Variants in DNAI3 observed in about 807,000 individuals in gnomAD.
The protein encoded by DNAI3 is WD repeat domain 63.
In DNAI3, 83 loss-of-function variants were observed where a neutral mutation model predicts 115.5. The ratio of observed to expected loss-of-function variants is 0.72; its 90% CI spans 0.60 to 0.86. The LOEUF (loss-of-function observed/expected upper bound fraction) is 0.86, where lower values mean the gene tolerates loss of function less well. DNAI3 is among the 40% of genes least tolerant of loss of function. The pLI, the probability that DNAI3 is intolerant of heterozygous loss-of-function variation, is 0.00. For missense variants in DNAI3, 1,004 were observed against 1,075.8 expected (o/e 0.93, Z 0.93); for synonymous variants, 320 against 347.0 (o/e 0.92, Z 0.86).
intron 13 of DNAI3, among the ~76,000 whole-genome samples, chr1:85,102,560 G>GA (rs1289740812): frequency 8.5e-5 from 13 of 152,198 alleles, no homozygotes; most frequent in African/African-American, 2.4e-4. Context: ...ATTTTTAAAT[G>GA]AAAAATGTGA....
At chr1:85,128,635 A>C (rs1656219949) in intron 20 of DNAI3, 73 bp from the exon 21 acceptor site, 3 of 1,275,614 alleles carry the variant, frequency 2.4e-6, no homozygotes, top group South Asian at 2.6e-5. Flanking sequence ...ACAAAAACAT[A>C]CTTCATGTTT....
rs534126216 is a variant in DNAI3, at chr1:85,103,689, C to G, written c.1480-835C>G. On this transcript the variant is annotated intron_variant, in intron 13 of 22. Transcript: ENST00000294664. ...ATCACTTGAGGCCAGGGGTTCCAAA[C>G]TAGCCTGGCCAACATAGCGAAACCC... is the stretch of plus-strand genomic sequence containing the variant. Among the ~76,000 whole-genome samples the G allele has an allele frequency of 1.7e-3, 255 of 151,958 alleles. 1 individual carries two copies. Among genetic ancestry groups the G allele is most frequent in the Non-Finnish European group, 2.4e-3 (164 of 67,988 alleles).
chr1:85,118,711 T>C (rs1655904732), intron 17 of DNAI3, among the ~76,000 whole-genome samples: 1 of 152,010 alleles, frequency 6.6e-6, no homozygotes, highest in South Asian at 2.1e-4. Context: ...ATGGTCCCTC[T>C]CTCCTCAAGG....
intron 13 of DNAI3, among the ~76,000 whole-genome samples, chr1:85,101,049 C>T (rs1655291896): frequency 6.6e-6 from 1 of 151,600 alleles, no homozygotes; most frequent in African/African-American, 2.4e-5. Context: ...GTGCAGCACA[C>T]CAACATGGCA....
At chr1:85,096,157 C>A in intron 11 of DNAI3, 137 bp downstream of exon 11, 2 of 736,116 alleles carry the variant, frequency 2.7e-6, no homozygotes, top group Non-Finnish European at 4.6e-6. Context: ...AGACACCACA[C>A]CAGGAAGCAG....
intron 1 of DNAI3, among the ~76,000 whole-genome samples, chr1:85,070,143 C>T (rs998910197): frequency 2.6e-5 from 4 of 151,994 alleles, no homozygotes; most frequent in African/African-American, 7.2e-5. Context: ...CACCTGTAGT[C>T]CCAGCTACTT....
chr1:85,122,600 C>A (rs766828732), intron 18 of DNAI3, among the ~76,000 whole-genome samples: 3 of 152,152 alleles, frequency 2.0e-5, no homozygotes, highest in Non-Finnish European at 4.4e-5. Flanking sequence ...ACTGCTAGGC[C>A]CACAAAGGCT....
intron 16 of DNAI3, among the ~76,000 whole-genome samples, chr1:85,113,407 T>C (rs1421622763): frequency 1.3e-5 from 2 of 152,364 alleles, no homozygotes; most frequent in East Asian, 3.9e-4. Context: ...GTATATGTTA[T>C]GGATCAAAGT....
chr1:85,093,710 T>C, intron 9 of DNAI3, 62 bp downstream of exon 9: 1 of 1,601,980 alleles, frequency 6.2e-7, no homozygotes, highest in South Asian at 1.1e-5. Flanking sequence ...GTTGCTTTCA[T>C]ATGTAAAATT....
chr1:85,117,690 T>C (rs751837316), intron 16 of DNAI3, 39 bp from the exon 17 acceptor site: 99 of 1,602,078 alleles, frequency 6.2e-5, no homozygotes, highest in Non-Finnish European at 8.2e-5. Context: ...GATGTTTCCC[T>C]GTAAATATGT....
At chr1:85,130,301 G>C (rs1278088407) in intron 22 of DNAI3, 189 bp downstream of exon 22, 2 of 758,566 alleles carry the variant, frequency 2.6e-6, no homozygotes, top group Non-Finnish European at 4.0e-6. Context: ...GTGAGATTCT[G>C]TCCAATTTAA....
In DNAI3 at chr1:85,126,835, C is replaced by A. The variant is rs1275234129; in HGVS notation, c.2317+120C>A. On this transcript the variant is annotated intron_variant, in intron 20 of 22. Coordinates refer to ENST00000294664, the MANE Select transcript of DNAI3 (RefSeq NM_145172.5). ...TTTTTTGTTTTTCTTCCTGCTCATC[C>A]CTTCTTATCCCTTCCCTTCTCTTCC... The A allele has an allele frequency of 4.4e-6, 4 of 901,328 alleles. No homozygotes were observed. The East Asian group carries it at 1.0e-4, about 24-fold the overall frequency. 55.8% of individuals were successfully genotyped at this position (901,328 alleles called of 1,614,324 possible). A position where few individuals can be genotyped will look rare whatever the true frequency, so the allele number is the denominator to read the frequency against.
intron 17 of DNAI3, among the ~76,000 whole-genome samples, chr1:85,120,967 C>T (rs1655977976): frequency 6.6e-6 from 1 of 152,164 alleles, no homozygotes; most frequent in Admixed American, 6.5e-5. Flanking sequence ...CAATCCATCC[C>T]CATTTTATAC....
At chr1:85,084,114 TTTGG>T (rs1654713187) in intron 5 of DNAI3, among the ~76,000 whole-genome samples, 1 of 102,114 alleles carries the variant, frequency 9.8e-6, no homozygotes, top group Non-Finnish European at 2.1e-5. Flanking sequence ...TTGATATTCA[TTTGG>T]TTGATTTTTT....
chr1:85,084,475 T>A (rs969749363), intron 5 of DNAI3, 71 bp from the exon 6 acceptor site: 15 of 697,504 alleles, frequency 2.2e-5, no homozygotes, highest in East Asian at 6.5e-5. Context: ...TGTTGCAAAA[T>A]ATATATATAT....
intron 3 of DNAI3, among the ~76,000 whole-genome samples, chr1:85,073,720 A>G (rs1654361035): frequency 6.6e-6 from 1 of 152,218 alleles, no homozygotes; most frequent in Non-Finnish European, 1.5e-5. Flanking sequence ...GTATGGAATG[A>G]GGAAATATTG....
chr1:85,124,076 A>C (rs776791516), intron 18 of DNAI3, 45 bp from the exon 19 acceptor site: 2 of 1,611,604 alleles, frequency 1.2e-6, no homozygotes, highest in Non-Finnish European at 1.7e-6. Context: ...GCAGGAATGC[A>C]AACAGTGTTA....
intron 16 of DNAI3, among the ~76,000 whole-genome samples, chr1:85,116,210 T>A (rs2100605805): frequency 6.6e-6 from 1 of 152,340 alleles, no homozygotes; most frequent in South Asian, 2.1e-4. Context: ...TGACTCTTGC[T>A]GTCTCCTGGG....
At chr1:85,101,051 A>C (rs1655292108) in intron 13 of DNAI3, among the ~76,000 whole-genome samples, 1 of 152,074 alleles carries the variant, frequency 6.6e-6, no homozygotes, top group Non-Finnish European at 1.5e-5. Flanking sequence ...GCAGCACACC[A>C]ACATGGCACA....
Sources: allele counts gnomAD v4.1 joint callset (sites outside exome capture counted in the v4.1 genomes callset), GRCh38; gene constraint gnomAD v4.1.1; transcripts MANE v1.5; gene names NCBI Gene and HGNC (gene_info 2026-07-23, HGNC 2026-07-21).